THSD1: variants seen among roughly 807,000 people sequenced by gnomAD.
The protein encoded by THSD1 is thrombospondin type 1 domain containing 1, also known as thrombospondin type-1 domain-containing protein 1.
Under a neutral mutation model 46.3 loss-of-function variants are expected in THSD1, and 34 were observed. The observed-to-expected ratio is 0.74, with a 90% CI of 0.56 to 0.98. The LOEUF (loss-of-function observed/expected upper bound fraction) is 0.98, where lower values mean the gene tolerates loss of function less well. Among genes scored for constraint, THSD1 ranks in the 50% least tolerant of loss-of-function variants. The pLI, the probability that THSD1 is intolerant of heterozygous loss-of-function variation, is 0.00. For missense variants in THSD1, 1,023 were observed against 1,058.3 expected, an observed-to-expected ratio of 0.97 and a Z score of 0.46; for synonymous variants, 407 against 416.5, an observed-to-expected ratio of 0.98 and a Z score of 0.28.
At position 52,378,060 on chromosome 13, in the gene THSD1, C is replaced by T; in HGVS notation, c.1910G>A (p.Gly637Glu). Residue 637 changes from glycine (G) to glutamate (E), a missense_variant, in exon 5 of 5, where the codon GGG becomes GAG. By Grantham distance (98) the Gly-to-Glu change is moderately conservative (BLOSUM62 -2). Around this residue, in one of 3 missense-constraint regions of THSD1, gnomAD observed 578 missense variants for 497.4 expected, o/e 1.16. Transcript: ENST00000258613. ...KSQARHVGSR[G>E]GPSERSHARN... ...GGCATGGCTCCTTTCGGACGGGCCC[C>T]CTCTGCTGCCCACGTGCCTTGCCTG... 2 of 1,614,166 alleles carry T rather than the reference C, an allele frequency of 1.2e-6. No homozygotes were observed. Among genetic ancestry groups the T allele is most frequent in the Non-Finnish European group, 1.7e-6 (2 of 1,180,042 alleles).
intron 4 of THSD1, among the ~76,000 whole-genome samples, chr13:52,380,358 C>A (rs1490216400): frequency 1.3e-5 from 2 of 151,962 alleles, no homozygotes; most frequent in Non-Finnish European, 1.5e-5. Context: ...GTACTGTCCC[C>A]TAGGGGACAG....
intron 3 of THSD1, among the ~76,000 whole-genome samples, chr13:52,392,490 CA>C (rs1487908832): frequency 2.6e-5 from 4 of 152,114 alleles, no homozygotes; most frequent in Non-Finnish European, 5.9e-5. Flanking sequence ...GCAAAATGAC[CA>C]ATACTCCAAA....
chr13:52,383,064 T>G (rs1957704784), intron 4 of THSD1, among the ~76,000 whole-genome samples: 1 of 152,086 alleles, frequency 6.6e-6, no homozygotes, highest in African/African-American at 2.4e-5. Flanking sequence ...TTGTCACTCC[T>G]GAAAGCTTCT....
intron 4 of THSD1, among the ~76,000 whole-genome samples, chr13:52,379,244 G>A (rs1358603738): frequency 6.6e-6 from 1 of 152,138 alleles, no homozygotes; most frequent in Non-Finnish European, 1.5e-5. Flanking sequence ...AGCAGTTAAG[G>A]AATGATGGAA....
intron 3 of THSD1, among the ~76,000 whole-genome samples, chr13:52,387,162 C>T (rs1957738211): frequency 6.6e-6 from 1 of 152,158 alleles, no homozygotes; most frequent in Non-Finnish European, 1.5e-5. Flanking sequence ...ACACCTAAAG[C>T]TGAGGGTGGG....
At chr13:52,397,168 T>C in intron 3 of THSD1, 64 bp downstream of exon 3, 2 of 1,395,742 alleles carry the variant, frequency 1.4e-6, no homozygotes, top group South Asian at 1.4e-5. Flanking sequence ...TTCACCTAAA[T>C]TCTAAATAAT....
chr13:52,403,065 C>T (rs1957877100), intron 1 of THSD1: 3 of 600,138 alleles, frequency 5.0e-6, no homozygotes, highest in Non-Finnish European at 6.3e-6. Context: ...GATCAATTTA[C>T]TAAATTTCTG....
intron 4 of THSD1, among the ~76,000 whole-genome samples, chr13:52,381,588 A>C (rs557874651): frequency 3.5e-4 from 53 of 151,816 alleles, no homozygotes; most frequent in Non-Finnish European, 6.0e-4. Context: ...TAGCATCCAC[A>C]CCTCTATTTA....
At chr13:52,405,000 C>A (rs1037874188) in intron 1 of THSD1, among the ~76,000 whole-genome samples, 3 of 152,114 alleles carry the variant, frequency 2.0e-5, no homozygotes, top group African/African-American at 7.2e-5. Flanking sequence ...TCTTTAATTT[C>A]TTTCTACCTT....
chr13:52,386,846 A>G (rs1046312387), intron 3 of THSD1, among the ~76,000 whole-genome samples: 1 of 152,206 alleles, frequency 6.6e-6, no homozygotes, highest in Non-Finnish European at 1.5e-5. Flanking sequence ...TCCTAAGAGC[A>G]CCAGTTGATA....
intron 2 of THSD1, among the ~76,000 whole-genome samples, chr13:52,401,912 A>G (rs1423907369): frequency 1.3e-5 from 2 of 152,240 alleles, no homozygotes; most frequent in African/African-American, 4.8e-5. Flanking sequence ...TGTTGACTCT[A>G]TTGTTCAGTA....
At position 52,378,779 on chromosome 13, in the gene THSD1, T is replaced by G. The variant is rs1755024845; in HGVS notation, c.1191A>C (p.Pro397=). 2 of 1,575,252 alleles carry G rather than the reference T, an allele frequency of 1.3e-6. No individual in the cohort carries two copies. Among genetic ancestry groups the G allele is most frequent in the South Asian group, 2.3e-5 (2 of 87,106 alleles). The part of the protein sequence containing the change: ...CSLEECAAFQ[P]SSPSPLQPQG... ...GGGGCTGAAGAGGAGATGGGCTGGA[T>G]GGCTGGAAAGCTGCAAAAAAAAACA... Residue 397 remains proline (P), a synonymous_variant, in exon 5 of 5, where the codon CCA becomes CCC. Transcript: ENST00000258613.
chr13:52,393,480 A>G (rs994440491), intron 3 of THSD1, among the ~76,000 whole-genome samples: 1 of 152,198 alleles, frequency 6.6e-6, no homozygotes, highest in Non-Finnish European at 1.5e-5. Flanking sequence ...CAACATGGTG[A>G]AACCCCGTCT....
Position 52,378,464 on chromosome 13 carries a change from C to G in THSD1, c.1506G>C (p.Gly502=), listed in dbSNP as rs1957658551. The G allele has an allele frequency of 6.2e-7, 1 of 1,614,064 alleles. No individual in the cohort carries two copies. The highest frequency in any genetic ancestry group is 1.7e-5 in the Admixed American group (1 of 60,004). Residue 502 remains glycine, a synonymous_variant, in exon 5 of 5, where the codon GGG becomes GGC. Coordinates refer to ENST00000258613, the MANE Select transcript of THSD1 (RefSeq NM_018676.4). ...TGIPLTYRRS[G]PVPPEDDASG... is the part of the protein sequence containing the mutation. ...AGGCATCATCCTCGGGAGGTACCGG[C>G]CCGCTCCGCCTGTAGGTCAGAGGGA...
Position 52,398,787 on chromosome 13 carries a change from A to T in THSD1, c.59-593T>A, listed in dbSNP as rs551209738. On this transcript the variant is annotated intron_variant, in intron 2 of 4. Coordinates refer to ENST00000258613, the MANE Select transcript of THSD1 (RefSeq NM_018676.4). Reference sequence around the variant, plus strand: ...AGAATAATAATTTTTAGGATTAAAAACCCAGTATCTCATATTGTTAATCAA... The same window carrying T: ...AGAATAATAATTTTTAGGATTAAAATCCCAGTATCTCATATTGTTAATCAA... 8.7e-4 allele frequency among the ~76,000 whole-genome samples: 132 copies of T among 152,320 alleles called. No individual in the cohort carries two copies. The South Asian group carries it at 0.027, about 31-fold the overall frequency.
At chr13:52,396,976 G>A (rs949114127) in intron 3 of THSD1, among the ~76,000 whole-genome samples, 5 of 152,050 alleles carry the variant, frequency 3.3e-5, no homozygotes, top group Non-Finnish European at 7.4e-5. Flanking sequence ...TGTTGATTTC[G>A]TTCAATCTCC....
At chr13:52,394,088 G>A (rs1594101917) in intron 3 of THSD1, among the ~76,000 whole-genome samples, 2 of 152,050 alleles carry the variant, frequency 1.3e-5, no homozygotes, top group South Asian at 2.1e-4. Context: ...AACCACTCCC[G>A]TTCTGCCCTT....
chr13:52,394,285 G>GT (rs918399778), intron 3 of THSD1, among the ~76,000 whole-genome samples: 1 of 152,038 alleles, frequency 6.6e-6, no homozygotes, highest in South Asian at 2.1e-4. Flanking sequence ...AGTTCAGTCA[G>GT]TTTTTTTTCC....
intron 3 of THSD1, among the ~76,000 whole-genome samples, chr13:52,389,992 T>C (rs1957761262): frequency 6.6e-6 from 1 of 151,740 alleles, no homozygotes; most frequent in African/African-American, 2.4e-5. Flanking sequence ...ATGCAAAAAT[T>C]AGCCAGGGAT....
Sources: allele counts gnomAD v4.1 joint callset (sites outside exome capture counted in the v4.1 genomes callset), GRCh38; gene constraint gnomAD v4.1.1; regional missense constraint gnomAD v4.1.1; transcripts MANE v1.5; gene names NCBI Gene and HGNC (gene_info 2026-07-23, HGNC 2026-07-21).